Variants in TTC4 observed in about 807,000 individuals in gnomAD.
TTC4 encodes tetratricopeptide repeat domain 4, also known as hsp70/Hsp90 co-chaperone CNS1 homolog.
TTC4 carries 36 observed loss-of-function variants against 51.9 expected under a neutral mutation model. The ratio of observed to expected loss-of-function variants is 0.69; its 90% CI spans 0.53 to 0.92. The LOEUF (loss-of-function observed/expected upper bound fraction) is 0.92. TTC4 is among the 40% of genes least tolerant of loss of function. The pLI is 0.00. For synonymous variants in TTC4, 144 were observed against 164.2 expected (o/e 0.88, Z 0.94); for missense variants, 399 against 454.6 (o/e 0.88, Z 1.11).
intron 8 of TTC4, among the ~76,000 whole-genome samples, chr1:54,734,212 T>C (rs11485527): frequency 0.12 from 18,066 of 151,914 alleles, 1,794 homozygotes; most frequent in African/African-American, 0.26. Context: ...GCTGGGATTA[T>C]AGACGCGTGC....
intron 3 of TTC4, 43 bp from the exon 4 acceptor site, chr1:54,721,120 T>G: frequency 6.3e-7 from 1 of 1,596,318 alleles, no homozygotes; most frequent in Non-Finnish European, 8.6e-7. Flanking sequence ...GGAAACATTT[T>G]GATCTCAAAA....
In TTC4 at chr1:54,716,663, C is replaced by T. The variant is rs768873823; in HGVS notation, c.175C>T (p.Pro59Ser). 6 of 1,613,690 alleles carry T rather than the reference C, an allele frequency of 3.7e-6. No individual in the cohort carries two copies. Among genetic ancestry groups the T allele is most frequent in the Admixed American group, 1.7e-5 (1 of 59,944 alleles). ...ATCAGAAATTGATCCCAGGGAGAATCCTGACTTGGCTTGTCTCCAGTCAAT... is the reference window on the plus strand; with the variant it reads ...ATCAGAAATTGATCCCAGGGAGAATTCTGACTTGGCTTGTCTCCAGTCAAT... ...APSEIDPREN[P>S]DLACLQSIIF... is the part of the protein sequence containing the mutation. The change falls in exon 2 of 10, where the codon CCT becomes TCT. Residue 59 changes from proline to serine, a missense_variant. Pro to Ser is a moderately conservative substitution (Grantham distance 74). Transcript: ENST00000371281.
intron 9 of TTC4, among the ~76,000 whole-genome samples, chr1:54,740,036 A>G (rs1645993028): frequency 6.6e-6 from 1 of 152,118 alleles, no homozygotes; most frequent in Non-Finnish European, 1.5e-5. Flanking sequence ...AATCTTTTTT[A>G]TGGTGTTGTG....
At chr1:54,741,276 C>T in intron 9 of TTC4, 135 bp from the exon 10 acceptor site, 1 of 811,432 alleles carries the variant, frequency 1.2e-6, no homozygotes, top group Non-Finnish European at 2.2e-6. Flanking sequence ...TATGAACAAC[C>T]ACATAACTGT....
intron 9 of TTC4, among the ~76,000 whole-genome samples, chr1:54,740,081 A>C (rs1645993601): frequency 1.3e-5 from 2 of 152,178 alleles, no homozygotes; most frequent in Non-Finnish European, 2.9e-5. Context: ...AGGCTGAGGC[A>C]GGAAGATTGC....
At chr1:54,736,396 G>A (rs933538960) in intron 8 of TTC4, among the ~76,000 whole-genome samples, 1 of 151,802 alleles carries the variant, frequency 6.6e-6, no homozygotes, top group Non-Finnish European at 1.5e-5. Flanking sequence ...TTGAGACAGA[G>A]TCTAGCTGTG....
chr1:54,717,641 C>G lies in TTC4; in HGVS notation c.379C>G (p.Gln127Glu). 6.3e-7 allele frequency: 1 copy of G among 1,592,720 alleles called. No homozygotes were observed. Among genetic ancestry groups the G allele is most frequent in the African/African-American group, 1.4e-5 (1 of 73,958 alleles). ...AVLYTNRAAA[Q>E]YYLGNFRSAL... ...CCTTTATACCAACCGGGCAGCAGCACAGTACTATCTGGGTAATTTATAAGT... is the reference window on the plus strand; with the variant it reads ...CCTTTATACCAACCGGGCAGCAGCAGAGTACTATCTGGGTAATTTATAAGT... Residue 127 changes from glutamine to glutamate, a missense_variant, in exon 3 of 10, where the codon CAG becomes GAG. Coordinates refer to ENST00000371281, the MANE Select transcript of TTC4 (RefSeq NM_004623.5).
chr1:54,723,786 G>A lies in TTC4; in HGVS notation c.594+987G>A, dbSNP rs367770097. On this transcript the variant is annotated intron_variant, in intron 5 of 9. Coordinates refer to ENST00000371281, the MANE Select transcript of TTC4 (RefSeq NM_004623.5). The stretch of plus-strand genomic sequence containing the variant: ...ACACACACAGTAGTGCTATTTAAAT[G>A]TTGGATATTATTTTGGGTAGTGATG... 1.8e-4 allele frequency among the ~76,000 whole-genome samples: 28 copies of A among 152,314 alleles called. 1 individual carries two copies. Among genetic ancestry groups the A allele is most frequent in the African/African-American group, 6.3e-4 (26 of 41,576 alleles).
At chr1:54,735,960 GA>G (rs1436502246) in intron 8 of TTC4, among the ~76,000 whole-genome samples, 1 of 152,122 alleles carries the variant, frequency 6.6e-6, no homozygotes, top group Non-Finnish European at 1.5e-5. Context: ...TCTAGGTTCA[GA>G]TTGCGCTTTC....
At chr1:54,736,193 A>T (rs1557752771) in intron 8 of TTC4, among the ~76,000 whole-genome samples, 14 of 116,048 alleles carry the variant, frequency 1.2e-4, no homozygotes, top group African/African-American at 5.4e-4. Flanking sequence ...AGAGAGAGAG[A>T]GAGAGAGAGA....
rs145266091 is a variant in TTC4, at chr1:54,716,630, A to T, written c.142A>T (p.Arg48Ter). The change falls in exon 2 of 10, where the codon AGA (arginine) becomes TGA (stop). Residue 48 changes from arginine (R) to a stop codon, truncating the protein, a stop_gained. Transcript: ENST00000371281. LOFTEE classifies it high-confidence loss of function. ...EFEKVPLFMS[R>*]APSEIDPREN... Reference sequence around the variant, plus strand: ...TGAAAAGGTCCCCCTATTTATGTCGAGAGCGCCATCAGAAATTGATCCCAG... The same window carrying T: ...TGAAAAGGTCCCCCTATTTATGTCGTGAGCGCCATCAGAAATTGATCCCAG... 6.2e-7 allele frequency: 1 copy of T among 1,613,708 alleles called. No individual in the cohort carries two copies. Among genetic ancestry groups the T allele is most frequent in the South Asian group, 1.1e-5 (1 of 90,980 alleles).
intron 7 of TTC4, among the ~76,000 whole-genome samples, 187 bp from the exon 8 acceptor site, chr1:54,733,442 A>G (rs1645894573): frequency 6.6e-6 from 1 of 151,938 alleles, no homozygotes; most frequent in Admixed American, 6.6e-5. Context: ...AAAATAAAAT[A>G]AAATAAAATT....
chr1:54,736,209 A>T (rs1300220132), intron 8 of TTC4, among the ~76,000 whole-genome samples: 1,942 of 125,624 alleles, frequency 0.015, 194 homozygotes, highest in African/African-American at 0.056. Context: ...AGAGAGAGAG[A>T]GAGAGAGAGA....
chr1:54,738,998 C>G (rs899909520), intron 9 of TTC4, among the ~76,000 whole-genome samples: 8 of 151,178 alleles, frequency 5.3e-5, no homozygotes, highest in African/African-American at 2.0e-4. Flanking sequence ...ACCTATGTCT[C>G]CTGATGCTCT....
intron 5 of TTC4, among the ~76,000 whole-genome samples, chr1:54,723,638 G>A (rs1645769012): frequency 1.3e-5 from 2 of 152,170 alleles, no homozygotes; most frequent in Admixed American, 6.5e-5. Context: ...ACAACTTGCT[G>A]ATCTCTTTGT....
chr1:54,719,945 T>G (rs1249665475), intron 3 of TTC4, among the ~76,000 whole-genome samples: 1 of 151,410 alleles, frequency 6.6e-6, no homozygotes, highest in Non-Finnish European at 1.5e-5. Flanking sequence ...CTGTTCAGGC[T>G]GGAGTGTACT....
intron 6 of TTC4, among the ~76,000 whole-genome samples, chr1:54,729,869 C>G (rs1490421545): frequency 1.3e-5 from 2 of 151,980 alleles, no homozygotes; most frequent in African/African-American, 4.8e-5. Flanking sequence ...TACAGGTGCA[C>G]ACCACCATGC....
At position 54,741,464 on chromosome 1, in the gene TTC4, C is replaced by T. The variant is rs1326178924; in HGVS notation, c.1115C>T (p.Pro372Leu). ...PAFLVCVGSSPFCKNFLRGRK... is the reference protein window; with the variant it reads ...PAFLVCVGSSLFCKNFLRGRK... Reference sequence around the variant, plus strand: ...TTTTTGGTCTGTGTAGGATCCTCTCCTTTTTGCAAGAATTTTCTCCGGGGG... The same window carrying T: ...TTTTTGGTCTGTGTAGGATCCTCTCTTTTTTGCAAGAATTTTCTCCGGGGG... The change falls in exon 10 of 10, where the codon CCT becomes CTT. Residue 372 changes from proline to leucine, a missense_variant. Coordinates refer to ENST00000371281, the MANE Select transcript of TTC4 (RefSeq NM_004623.5). 1 of 1,614,024 alleles carries T rather than the reference C, an allele frequency of 6.2e-7. No individual in the cohort carries two copies. Among genetic ancestry groups the T allele is most frequent in the African/African-American group, 1.3e-5 (1 of 74,906 alleles).
intron 6 of TTC4, among the ~76,000 whole-genome samples, chr1:54,731,069 A>G (rs1037271846): frequency 6.6e-6 from 1 of 152,194 alleles, no homozygotes; most frequent in Non-Finnish European, 1.5e-5. Flanking sequence ...GCAGGTAGCC[A>G]TGTCTAGTTC....
Sources: gnomAD v4.1 joint callset for allele counts (sites outside exome capture counted in the v4.1 genomes callset) on GRCh38, gnomAD v4.1.1 for gene constraint, MANE v1.5 for transcripts, NCBI Gene and HGNC (gene_info 2026-07-23, HGNC 2026-07-21) for gene names.